The following MACF1 variants were observed in gnomAD, a reference collection of about 807,000 sequenced individuals.
MACF1 encodes the protein microtubule-actin cross-linking factor 1.
Under a neutral mutation model 854.8 loss-of-function variants are expected in MACF1, and 193 were observed. The observed-to-expected ratio is 0.23, with a 90% confidence interval of 0.20 to 0.25. The LOEUF (loss-of-function observed/expected upper bound fraction) is 0.25, where lower values mean the gene tolerates loss of function less well. MACF1 is among the 10% of genes least tolerant of loss of function. The pLI is 1.00. For missense variants in MACF1, 7,722 were observed against 8,929.1 expected, an observed-to-expected ratio of 0.86 and a Z score of 5.45; for synonymous variants, 3,185 against 3,226.7, an observed-to-expected ratio of 0.99 and a Z score of 0.44.
intron 2 of MACF1, among the ~76,000 whole-genome samples, chr1:39,185,153 G>A (rs187184696): frequency 3.3e-5 from 5 of 152,184 alleles, no homozygotes; most frequent in African/African-American, 7.2e-5. Flanking sequence ...TTAGCTGGGC[G>A]TGGTGGCGGG....
At chr1:39,174,551 G>T (rs1643999509) in intron 2 of MACF1, among the ~76,000 whole-genome samples, 1 of 152,136 alleles carries the variant, frequency 6.6e-6, no homozygotes, top group South Asian at 2.1e-4. Context: ...TCAGTCAGAG[G>T]CAAAGGGAAA....
At chr1:39,232,781 CTTT>C (rs1644798786) in intron 2 of MACF1, among the ~76,000 whole-genome samples, 1 of 102,786 alleles carries the variant, frequency 9.7e-6, no homozygotes, top group Admixed American at 9.9e-5. Flanking sequence ...TTGTTTGTTT[CTTT>C]GTTTGTTTGT....
intron 50 of MACF1, 55 bp downstream of exon 50, chr1:39,368,369 A>G: frequency 6.6e-7 from 1 of 1,516,716 alleles, no homozygotes. Context: ...CTTGTTATGG[A>G]GTGAAATGAT....
intron 2 of MACF1, among the ~76,000 whole-genome samples, chr1:39,190,629 G>A (rs1158986461): frequency 1.3e-5 from 2 of 151,574 alleles, no homozygotes; most frequent in East Asian, 3.9e-4. Flanking sequence ...GTGAGCCACC[G>A]CCTTGTGCTG....
chr1:39,200,091 A>C (rs1328684544), upstream of MACF1, among the ~76,000 whole-genome samples: 1 of 152,182 alleles, frequency 6.6e-6, no homozygotes, highest in East Asian at 1.9e-4. Flanking sequence ...CCATGCCATC[A>C]AAACTGCACT....
chr1:39,405,957 G>T (rs1406247755), intron 58 of MACF1, among the ~76,000 whole-genome samples: 1 of 151,916 alleles, frequency 6.6e-6, no homozygotes, highest in Admixed American at 6.6e-5. Flanking sequence ...TCCCTGAGAT[G>T]GCTATTGGCA....
At chr1:39,454,522 C>T (rs1014730974) in intron 88 of MACF1, among the ~76,000 whole-genome samples, 9 of 152,034 alleles carry the variant, frequency 5.9e-5, no homozygotes, top group African/African-American at 1.7e-4. Flanking sequence ...TTGTGTTGGC[C>T]GGGAGCAGTG....
At chr1:39,408,890 C>T (rs1195295329) in intron 58 of MACF1, among the ~76,000 whole-genome samples, 1 of 151,982 alleles carries the variant, frequency 6.6e-6, no homozygotes, top group Non-Finnish European at 1.5e-5. Flanking sequence ...ATCCTCTCCA[C>T]CGCTCCCTCC....
intron 2 of MACF1, among the ~76,000 whole-genome samples, chr1:39,186,391 C>T (rs1231747064): frequency 1.3e-5 from 2 of 151,312 alleles, no homozygotes; most frequent in East Asian, 2.0e-4. Flanking sequence ...CTCAGCCTCC[C>T]GAGTAGCTGG....
chr1:39,393,846 G>GGAGGGAGA (rs1642156598), intron 58 of MACF1, among the ~76,000 whole-genome samples: 1 of 140,820 alleles, frequency 7.1e-6, no homozygotes, highest in African/African-American at 2.7e-5. Flanking sequence ...AGGGAGGGAG[G>GGAGGGAGA]GAGAGAGAGA....
At position 39,479,955 on chromosome 1, in the gene MACF1, C is replaced by T. The variant is rs780394761; in HGVS notation, c.22116C>T (p.Asn7372=). 2 of 1,614,070 alleles carry T rather than the reference C, an allele frequency of 1.2e-6. No individual in the cohort carries two copies. The highest frequency in any genetic ancestry group is 2.7e-5 in the African/African-American group (2 of 74,918). ...CCAGCTCCAGTGCTAGTCAGAGTAACCACAGCTGTACATCCATGCCATCTT... is the reference window on the plus strand; with the variant it reads ...CCAGCTCCAGTGCTAGTCAGAGTAATCACAGCTGTACATCCATGCCATCTT... ...TRSSSSASQS[N]HSCTSMPSSP... Residue 7372 remains asparagine, a synonymous_variant, in exon 98 of 101, where the codon AAC becomes AAT. Coordinates refer to ENST00000564288, the MANE Select transcript of MACF1 (RefSeq NM_001394062.1).
intron 89 of MACF1, among the ~76,000 whole-genome samples, chr1:39,455,903 A>G (rs903288613): frequency 2.0e-5 from 3 of 152,252 alleles, no homozygotes; most frequent in Admixed American, 6.5e-5. Flanking sequence ...TTGATTAGTT[A>G]TACTGTAGAC....
chr1:39,263,730 G>A (rs1348877982), intron 6 of MACF1, among the ~76,000 whole-genome samples: 2 of 145,916 alleles, frequency 1.4e-5, no homozygotes, highest in African/African-American at 5.0e-5. Context: ...GACACACATA[G>A]TATCTTTGGT....
intron 23 of MACF1, among the ~76,000 whole-genome samples, chr1:39,303,694 A>G (rs1646100553): frequency 6.7e-6 from 1 of 148,428 alleles, no homozygotes; most frequent in African/African-American, 2.5e-5. Context: ...TCTACTAAAA[A>G]TACAAAAAAA....
At chr1:39,165,921 T>C (rs1473714304) in intron 2 of MACF1, among the ~76,000 whole-genome samples, 1 of 152,248 alleles carries the variant, frequency 6.6e-6, no homozygotes, top group East Asian at 1.9e-4. Flanking sequence ...TCATGTTCCA[T>C]GTTTCCTGTT....
rs1570099767 is a variant in MACF1 at position 39,442,732 on chromosome 1, T to C, written c.19123T>C (p.Leu6375=). ...AKHHVLKNDV[L]AHQATVETVN... ...GTTTTAGGTCCTAAAAAATGATGTT[T>C]TGGCTCATCAAGCCACAGTGGAAAC... The change falls in exon 78 of 101, where the codon TTG becomes CTG. Residue 6375 remains leucine (L), a synonymous_variant. Coordinates refer to ENST00000564288, the MANE Select transcript of MACF1 (RefSeq NM_001394062.1). 3.7e-6 allele frequency: 6 copies of C among 1,613,902 alleles called. No homozygotes were observed. The East Asian group carries it at 8.9e-5, about 24-fold the overall frequency.
chr1:39,422,564 TG>T, intron 59 of MACF1, 29 bp downstream of exon 59: 1 of 1,587,118 alleles, frequency 6.3e-7, no homozygotes, highest in Non-Finnish European at 8.6e-7. Context: ...GCAAGTGTAC[TG>T]GAAACGGAAG....
chr1:39,099,140 ACACT>A (rs1406181609), intron 2 of MACF1, among the ~76,000 whole-genome samples: 2 of 152,212 alleles, frequency 1.3e-5, no homozygotes, highest in Non-Finnish European at 2.9e-5. Context: ...GCACACACAC[ACACT>A]CACTACTAGC....
intron 2 of MACF1, among the ~76,000 whole-genome samples, chr1:39,177,575 T>C (rs1280279858): frequency 6.6e-6 from 1 of 152,126 alleles, no homozygotes; most frequent in Non-Finnish European, 1.5e-5. Flanking sequence ...GTAAATGTTA[T>C]TGCTAATGGA....
Sources: gnomAD v4.1 joint callset for allele counts (sites outside exome capture counted in the v4.1 genomes callset) on GRCh38, gnomAD v4.1.1 for gene constraint, MANE v1.5 for transcripts, NCBI Gene and HGNC (gene_info 2026-07-23, HGNC 2026-07-21) for gene names.